The following TCHHL1 variants were observed in gnomAD, a reference collection of about 807,000 sequenced individuals.
TCHHL1 encodes trichohyalin like 1.
A neutral mutation model predicts 3.5 loss-of-function variants in TCHHL1; 1 was observed. The observed-to-expected ratio is 0.29, with a 90% CI of 0.10 to 1.36. The LOEUF (loss-of-function observed/expected upper bound fraction) is 1.36, where lower values mean the gene tolerates loss of function less well. Ranked by LOEUF, TCHHL1 falls within the 40% of genes most tolerant of loss-of-function variation. The pLI, the probability that TCHHL1 is intolerant of heterozygous loss-of-function variation, is 0.43. For synonymous variants in TCHHL1, 405 were observed against 375.3 expected (o/e 1.08, Z -0.92); for missense variants, 1,027 against 1,032.8 (o/e 0.99, Z 0.08).
chr1:152,084,820 T>TC lies in TCHHL1; in HGVS notation c.*146dup. The stretch of plus-strand genomic sequence containing the variant: ...TTGCTCAGATGTTTCTTTAGTGGTG[T>TC]CCCCCACTGCTGAATATTTTATTAT... On this transcript the variant is annotated 3_prime_UTR_variant, in exon 3 of 3. Coordinates refer to ENST00000368806, the MANE Select transcript of TCHHL1 (RefSeq NM_001008536.2). The TC allele has an allele frequency of 1.2e-6, 1 of 828,656 alleles. No homozygotes were observed. Among genetic ancestry groups the TC allele is most frequent in the Middle Eastern group, 3.6e-4 (1 of 2,764 alleles). The allele number at this position is 828,656 out of a possible 1,614,324, so 51.3% of individuals were successfully genotyped here. A position where few individuals can be genotyped will look rare whatever the true frequency, so the allele number is the denominator to read the frequency against.
In TCHHL1 at chr1:152,085,196, G is replaced by T; in HGVS notation, c.2486C>A (p.Ala829Glu). The stretch of plus-strand genomic sequence containing the variant: ...TACACTGCAAAGCTCTGGGCCTGAT[G>T]CCTGGGCTATCTGAACTTGCTTTTG... ...EHQKQVQIAQ[A>E]SGPELCSVSL... is the part of the protein sequence containing the mutation. Residue 829 changes from alanine to glutamate, a missense_variant, in exon 3 of 3, where the codon GCA becomes GAA. Physicochemically the swap from Ala to Glu is moderately radical, Grantham distance 107. Coordinates refer to ENST00000368806, the MANE Select transcript of TCHHL1 (RefSeq NM_001008536.2). 6.2e-7 allele frequency: 1 copy of T among 1,614,200 alleles called. No homozygotes were observed. Among genetic ancestry groups the T allele is most frequent in the Non-Finnish European group, 8.5e-7 (1 of 1,180,036 alleles).
Position 152,084,900 on chromosome 1 carries a change from A to C in TCHHL1, c.*67T>G. 1.4e-6 allele frequency: 2 copies of C among 1,447,128 alleles called. No homozygotes were observed. Among genetic ancestry groups the C allele is most frequent in the Non-Finnish European group, 1.9e-6 (2 of 1,066,034 alleles). The allele number at this position is 1,447,128 out of a possible 1,614,324, so 89.6% of individuals were successfully genotyped here. A position where few individuals can be genotyped will look rare whatever the true frequency, so the allele number is the denominator to read the frequency against. On this transcript the variant is annotated 3_prime_UTR_variant, in exon 3 of 3. Coordinates refer to ENST00000368806, the MANE Select transcript of TCHHL1 (RefSeq NM_001008536.2). ...TTAAAAGATTGTTAATCTGCATCTG[A>C]ATGTGTACACGTGAGTATTGAGGGT...
At chr1:152,088,209 C>T in intron 1 of TCHHL1, 46 bp from the exon 2 acceptor site, 2 of 1,479,030 alleles carry the variant, frequency 1.4e-6, no homozygotes, top group East Asian at 2.4e-5. Flanking sequence ...ATGGGTCCTT[C>T]AGGGAGGAGA....
chr1:152,088,223 C>G (rs1210255405), intron 1 of TCHHL1, 60 bp from the exon 2 acceptor site: 4 of 1,436,862 alleles, frequency 2.8e-6, no homozygotes, highest in Non-Finnish European at 3.7e-6. Flanking sequence ...GAGGAGATAC[C>G]AAGATTATCC....
Position 152,085,616 on chromosome 1 carries a change from A to T in TCHHL1, c.2066T>A (p.Leu689His). 1 of 1,614,030 alleles carries T rather than the reference A, an allele frequency of 6.2e-7. No individual in the cohort carries two copies. Among genetic ancestry groups the T allele is most frequent in the South Asian group, 1.1e-5 (1 of 91,080 alleles). The change falls in exon 3 of 3, where the codon CTC becomes CAC. Residue 689 changes from leucine to histidine, a missense_variant. By Grantham distance (99) the Leu-to-His change is moderately conservative (BLOSUM62 -3). Around this residue, in one of 3 missense-constraint regions of TCHHL1, gnomAD observed 673 missense variants for 658.6 expected, o/e 1.02. Coordinates refer to ENST00000368806, the MANE Select transcript of TCHHL1 (RefSeq NM_001008536.2). ...ATTTCTGCTATCTCCCTTTCCAGGG[A>T]GCTGCATTAGGGAAAGCTGGTCAGT... ...DFTDQLSLMQ[L>H]PGKGDSRNEL...
chr1:152,086,298 T>C lies in TCHHL1; in HGVS notation c.1384A>G (p.Thr462Ala). ...GDQTHPELEG[T>A]AVSGEEAEHT... ...TCTGCCTCTTCTCCTGAGACTGCTG[T>C]TCCTTCAAGTTCAGGGTGAGTCTGA... The change falls in exon 3 of 3, where the codon ACA (threonine) becomes GCA (alanine). Residue 462 changes from threonine to alanine, a missense_variant. By Grantham distance (58) the Thr-to-Ala change is moderately conservative. Coordinates refer to ENST00000368806, the MANE Select transcript of TCHHL1 (RefSeq NM_001008536.2). 6.2e-7 allele frequency: 1 copy of C among 1,614,242 alleles called. No individual in the cohort carries two copies.
rs148113334 is a variant in TCHHL1, at chr1:152,084,996, G to A, written c.2686C>T (p.Gln896Ter). ...GHPQRERLVL[Q>*]REASTTKQ ...TGCTTTGTGGTGCTTGCCTCCCTTTGTAGTACCAGCCTCTCTCTCTGAGGG... is the reference window on the plus strand; with the variant it reads ...TGCTTTGTGGTGCTTGCCTCCCTTTATAGTACCAGCCTCTCTCTCTGAGGG... Residue 896 changes from glutamine to a stop codon, truncating the protein, a stop_gained, in exon 3 of 3, where the codon CAA (glutamine) becomes TAA (stop). Transcript: ENST00000368806. LOFTEE classifies it high-confidence loss of function. 100 of 1,613,754 alleles carry A rather than the reference G, an allele frequency of 6.2e-5. No homozygotes were observed. In the African/African-American group the frequency reaches 1.3e-3, roughly 20 times the overall value.
At position 152,088,071 on chromosome 1, in the gene TCHHL1, C is replaced by T. The variant is rs376159135; in HGVS notation, c.73G>A (p.Gly25Arg). 2.4e-5 allele frequency: 39 copies of T among 1,611,578 alleles called. No individual in the cohort carries two copies. The highest frequency in any genetic ancestry group is 6.7e-5 in the African/African-American group (5 of 74,786). ...AGCTCTCTGCCAGTCAGTGTTGCCCCGTTACTGTCCTCACTGGCATATTTG... is the reference window on the plus strand; with the variant it reads ...AGCTCTCTGCCAGTCAGTGTTGCCCTGTTACTGTCCTCACTGGCATATTTG... The part of the protein sequence containing the change: ...FHKYASEDSN[G>R]ATLTGRELKQ... Residue 25 changes from glycine to arginine, a missense_variant, in exon 2 of 3, where the codon GGG becomes AGG. Around this residue, in one of 3 missense-constraint regions of TCHHL1, gnomAD observed 338 missense variants for 335.9 expected, o/e 1.01. Coordinates refer to ENST00000368806, the MANE Select transcript of TCHHL1 (RefSeq NM_001008536.2).
At position 152,086,371 on chromosome 1, in the gene TCHHL1, A is replaced by G. The variant is rs1376332733; in HGVS notation, c.1311T>C (p.Asp437=). Residue 437 remains aspartate (D), a synonymous_variant, in exon 3 of 3, where the codon GAT becomes GAC. Coordinates refer to ENST00000368806, the MANE Select transcript of TCHHL1 (RefSeq NM_001008536.2). ...QELQGLSKSK[D]AEKGSETQYL... The stretch of plus-strand genomic sequence containing the variant: ...ATTGTGTCTCAGAACCTTTTTCAGC[A>G]TCTTTTGATTTTGATAATCCTTGGA... 13 of 1,613,912 alleles carry G rather than the reference A, an allele frequency of 8.1e-6. No homozygotes were observed. In the Admixed American group the frequency reaches 2.2e-4, roughly 27 times the overall value.
In TCHHL1 at chr1:152,084,869, G is replaced by A. The variant is rs1657688082; in HGVS notation, c.*98C>T. 4.5e-6 allele frequency: 6 copies of A among 1,320,054 alleles called. No individual in the cohort carries two copies. Among genetic ancestry groups the A allele is most frequent in the Non-Finnish European group, 6.3e-6 (6 of 958,938 alleles). 81.8% of individuals were successfully genotyped at this position (1,320,054 alleles called of 1,614,324 possible). ...ATTTGTTTTTGTAGAAATTTAGGAAGAGAATTTAAAAGATTGTTAATCTGC... is the reference window on the plus strand; with the variant it reads ...ATTTGTTTTTGTAGAAATTTAGGAAAAGAATTTAAAAGATTGTTAATCTGC... On this transcript the variant is annotated 3_prime_UTR_variant, in exon 3 of 3. Transcript: ENST00000368806.
Position 152,087,233 on chromosome 1 carries a change from C to T in TCHHL1, c.449G>A (p.Gly150Glu). Reference sequence around the variant, plus strand: ...GTCCACTCTGTTATTTCCAACTGCTCCACTTTCTTCAGGGATGAGCTGAGA... The same window carrying T: ...GTCCACTCTGTTATTTCCAACTGCTTCACTTTCTTCAGGGATGAGCTGAGA... ...SSSQLIPEES[G>E]AVGNNRVDPW... Residue 150 changes from glycine to glutamate, a missense_variant, in exon 3 of 3, where the codon GGA becomes GAA. By Grantham distance (98) the Gly-to-Glu change is moderately conservative. Transcript: ENST00000368806. 1 of 1,614,094 alleles carries T rather than the reference C, an allele frequency of 6.2e-7. No homozygotes were observed. The highest frequency in any genetic ancestry group is 8.5e-7 in the Non-Finnish European group (1 of 1,179,994).
At chr1:152,088,428 T>C (rs1299345236) in intron 1 of TCHHL1, among the ~76,000 whole-genome samples, 2 of 152,132 alleles carry the variant, frequency 1.3e-5, no homozygotes, top group Non-Finnish European at 2.9e-5. Context: ...CAGAGAAAGC[T>C]TCATTGCAAA....
At position 152,086,646 on chromosome 1, in the gene TCHHL1, T is replaced by C; in HGVS notation, c.1036A>G (p.Lys346Glu). 3 of 1,614,208 alleles carry C rather than the reference T, an allele frequency of 1.9e-6. No homozygotes were observed. Among genetic ancestry groups the C allele is most frequent in the Non-Finnish European group, 1.7e-6 (2 of 1,180,036 alleles). Residue 346 changes from lysine to glutamate, a missense_variant, in exon 3 of 3, where the codon AAA (lysine) becomes GAA (glutamate). Lys to Glu is a moderately conservative substitution (Grantham distance 56). This residue lies in a region of TCHHL1 where 673 missense variants were observed against 658.6 expected (regional missense o/e 1.02). Coordinates refer to ENST00000368806, the MANE Select transcript of TCHHL1 (RefSeq NM_001008536.2). ...PGKDADQTPA[K>E]TKNLGEPEDY... ...TCAGGTTCACCCAAATTCTTTGTTT[T>C]AGCTGGTGTCTGGTCAGCATCCTTT...
chr1:152,087,896 G>C (rs960863618), intron 2 of TCHHL1, 110 bp downstream of exon 2: 2 of 1,327,528 alleles, frequency 1.5e-6, no homozygotes, highest in South Asian at 1.5e-5. Context: ...TGAGTGCTGA[G>C]AACTGTTAGC....
chr1:152,087,392 C>A lies in TCHHL1; in HGVS notation c.290G>T (p.Arg97Ile). ...DIKSLLSSEL[R>I]QVTKPEKEKL... Reference sequence around the variant, plus strand: ...CTCCTTCTCTGGTTTAGTCACCTGTCTTAGTTCAGAACTTAGTAATGATTT... The same window carrying A: ...CTCCTTCTCTGGTTTAGTCACCTGTATTAGTTCAGAACTTAGTAATGATTT... Residue 97 changes from arginine to isoleucine, a missense_variant, in exon 3 of 3, where the codon AGA becomes ATA. Arg to Ile is a moderately conservative substitution (Grantham distance 97). This residue lies in a region of TCHHL1 where 338 missense variants were observed against 335.9 expected (regional missense o/e 1.01). Coordinates refer to ENST00000368806, the MANE Select transcript of TCHHL1 (RefSeq NM_001008536.2). The A allele has an allele frequency of 6.2e-7, 1 of 1,613,294 alleles. No individual in the cohort carries two copies. The highest frequency in any genetic ancestry group is 8.5e-7 in the Non-Finnish European group (1 of 1,180,008).
chr1:152,084,742 T>C lies in TCHHL1; in HGVS notation c.*225A>G, dbSNP rs1373724229. 3.0e-5 allele frequency: 15 copies of C among 505,620 alleles called. No homozygotes were observed. The highest frequency in any genetic ancestry group is 5.1e-5 in the Non-Finnish European group (15 of 291,818). The allele number at this position is 505,620 out of a possible 1,614,324, so 31.3% of individuals were successfully genotyped here. A position where few individuals can be genotyped will look rare whatever the true frequency, so the allele number is the denominator to read the frequency against. On this transcript the variant is annotated 3_prime_UTR_variant, in exon 3 of 3. Transcript: ENST00000368806. Reference sequence around the variant, plus strand: ...TAAACTGTCTCATGACAAAGCCCATTTTGGCATTTGGAAGTAGCATTGTTT... The same window carrying C: ...TAAACTGTCTCATGACAAAGCCCATCTTGGCATTTGGAAGTAGCATTGTTT...
At chr1:152,087,921 A>G (rs1307134189) in intron 2 of TCHHL1, 85 bp downstream of exon 2, 17 of 1,471,272 alleles carry the variant, frequency 1.2e-5, no homozygotes, top group Non-Finnish European at 1.5e-5. Flanking sequence ...TGTAAAATGG[A>G]TGGGGATCAC....
At position 152,087,178 on chromosome 1, in the gene TCHHL1, A is replaced by G. The variant is rs760495942; in HGVS notation, c.504T>C (p.Phe168=). ...DPWREAKTHN[F]PGEASEHNDP... ...CATTGTGTTCAGATGCTTCTCCTGG[A>G]AAGTTGTGAGTCTTGGCTTCTCTCC... is the stretch of plus-strand genomic sequence containing the variant. The change falls in exon 3 of 3, where the codon TTT becomes TTC. Residue 168 remains phenylalanine (F), a synonymous_variant. Coordinates refer to ENST00000368806, the MANE Select transcript of TCHHL1 (RefSeq NM_001008536.2). The G allele has an allele frequency of 1.2e-6, 2 of 1,614,126 alleles. No individual in the cohort carries two copies. The highest frequency in any genetic ancestry group is 2.2e-5 in the South Asian group (2 of 91,056).
At position 152,086,523 on chromosome 1, in the gene TCHHL1, T is replaced by C. The variant is rs1657731470; in HGVS notation, c.1159A>G (p.Met387Val). 6.2e-7 allele frequency: 1 copy of C among 1,614,090 alleles called. No individual in the cohort carries two copies. The highest frequency in any genetic ancestry group is 1.3e-5 in the African/African-American group (1 of 74,920). ...GSRNGSETSD[M>V]RDERKERRGP... ...CTCCTCTCTTTCCTTTCATCTCTCATGTCAGATGTTTCTGAACCATTTCTG... is the reference window on the plus strand; with the variant it reads ...CTCCTCTCTTTCCTTTCATCTCTCACGTCAGATGTTTCTGAACCATTTCTG... The change falls in exon 3 of 3, where the codon ATG becomes GTG. Residue 387 changes from methionine to valine, a missense_variant. By Grantham distance (21) the Met-to-Val change is conservative. Coordinates refer to ENST00000368806, the MANE Select transcript of TCHHL1 (RefSeq NM_001008536.2).
Sources: gnomAD v4.1 joint callset for allele counts (sites outside exome capture counted in the v4.1 genomes callset) on GRCh38, gnomAD v4.1.1 for gene constraint, gnomAD v4.1.1 regional missense constraint, MANE v1.5 for transcripts, NCBI Gene and HGNC (gene_info 2026-07-23, HGNC 2026-07-21) for gene names.